PELI2: variants seen among roughly 807,000 people sequenced by gnomAD.
The protein encoded by PELI2 is pellino E3 ubiquitin protein ligase family member 2.
In PELI2, 23 loss-of-function variants were observed where a neutral mutation model predicts 42.3. The observed-to-expected ratio is 0.54, with a 90% CI of 0.39 to 0.77. The LOEUF is 0.77. Among genes scored for constraint, PELI2 ranks in the 30% least tolerant of loss-of-function variants. PELI2 has a pLI of 0.00. For missense variants in PELI2, 463 were observed against 553.2 expected (o/e 0.84, Z 1.64); for synonymous variants, 245 against 212.2 (o/e 1.15, Z -1.34).
intron 2 of PELI2, among the ~76,000 whole-genome samples, chr14:56,259,253 A>G (rs1888633623): frequency 6.6e-6 from 1 of 152,154 alleles, no homozygotes; most frequent in Non-Finnish European, 1.5e-5. Flanking sequence ...AAAACAACAG[A>G]TGGAAATTTA....
chr14:56,277,983 C>T (rs1363963296), intron 2 of PELI2, among the ~76,000 whole-genome samples: 1 of 152,080 alleles, frequency 6.6e-6, no homozygotes, highest in Admixed American at 6.5e-5. Flanking sequence ...TTATTGCACT[C>T]GTTAACTCCT....
At chr14:56,258,437 A>G (rs945593642) in intron 2 of PELI2, among the ~76,000 whole-genome samples, 3 of 152,218 alleles carry the variant, frequency 2.0e-5, no homozygotes, top group Non-Finnish European at 2.9e-5. Flanking sequence ...AATTAAACAC[A>G]GACAAGAAGG....
chr14:56,269,025 G>A (rs1447402513), intron 2 of PELI2, among the ~76,000 whole-genome samples: 1 of 152,196 alleles, frequency 6.6e-6, no homozygotes, highest in East Asian at 1.9e-4. Flanking sequence ...CTAATGTACA[G>A]TGTGTGATTG....
At chr14:56,236,172 T>C (rs76453140) in intron 2 of PELI2, among the ~76,000 whole-genome samples, 1 of 152,262 alleles carries the variant, frequency 6.6e-6, no homozygotes, top group Non-Finnish European at 1.5e-5. Flanking sequence ...TTGACCACTT[T>C]TAATTACTCT....
At chr14:56,270,987 T>C (rs1396534300) in intron 2 of PELI2, among the ~76,000 whole-genome samples, 4 of 152,218 alleles carry the variant, frequency 2.6e-5, no homozygotes, top group Admixed American at 1.3e-4. Context: ...GAAAGCCAGT[T>C]TGATATAAAT....
chr14:56,250,278 A>G (rs753771794), intron 2 of PELI2, among the ~76,000 whole-genome samples: 45 of 152,196 alleles, frequency 3.0e-4, no homozygotes, highest in Non-Finnish European at 5.1e-4. Flanking sequence ...AGTCAATACT[A>G]GAAGTTATAT....
At chr14:56,223,121 G>A (rs970245908) in intron 2 of PELI2, among the ~76,000 whole-genome samples, 1 of 152,136 alleles carries the variant, frequency 6.6e-6, no homozygotes, top group Non-Finnish European at 1.5e-5. Flanking sequence ...CACCTCTACA[G>A]CCTGTGGCCA....
intron 1 of PELI2, among the ~76,000 whole-genome samples, chr14:56,140,511 C>A (rs1883867726): frequency 6.6e-6 from 1 of 152,118 alleles, no homozygotes; most frequent in South Asian, 2.1e-4. Flanking sequence ...CCTTTGAAAA[C>A]AACTCCTGTT....
In PELI2 at chr14:56,237,598, C is replaced by T. The variant is rs572248092; in HGVS notation, c.208-42078C>T. Among the ~76,000 whole-genome samples, 13 of 151,708 alleles carry T rather than the reference C, an allele frequency of 8.6e-5. No homozygotes were observed. The East Asian group carries it at 1.4e-3, about 16-fold the overall frequency. On this transcript the variant is annotated intron_variant, in intron 2 of 5. Transcript: ENST00000267460. ...TCCACCACTAAGCTTCCTCTTCCCT[C>T]GGTGTCTCTAGCTGCTTCTTGGGCA...
At chr14:56,245,797 A>C (rs942093404) in intron 2 of PELI2, among the ~76,000 whole-genome samples, 2 of 152,258 alleles carry the variant, frequency 1.3e-5, no homozygotes, top group African/African-American at 4.8e-5. Flanking sequence ...ATTGTATATC[A>C]ATAAGCATAA....
At chr14:56,206,397 C>T (rs1886518217) in intron 2 of PELI2, among the ~76,000 whole-genome samples, 2 of 152,192 alleles carry the variant, frequency 1.3e-5, no homozygotes, top group Admixed American at 1.3e-4. Context: ...ACAACATTCT[C>T]CTTCACCAAA....
At chr14:56,216,250 G>C (rs1886902288) in intron 2 of PELI2, among the ~76,000 whole-genome samples, 1 of 152,174 alleles carries the variant, frequency 6.6e-6, no homozygotes, top group Non-Finnish European at 1.5e-5. Flanking sequence ...TCAAGGTCAA[G>C]GGGAAAATAC....
intron 2 of PELI2, among the ~76,000 whole-genome samples, chr14:56,204,998 G>A (rs1161144163): frequency 3.4e-5 from 5 of 145,290 alleles, no homozygotes; most frequent in African/African-American, 1.3e-4. Flanking sequence ...CCACTGCACC[G>A]CAGCCTGGGC....
At chr14:56,135,058 G>GCT (rs1284276742) in intron 1 of PELI2, among the ~76,000 whole-genome samples, 3 of 152,218 alleles carry the variant, frequency 2.0e-5, no homozygotes, top group African/African-American at 4.8e-5. Context: ...GTATAGTGGA[G>GCT]AGCAGTGTGG....
intron 1 of PELI2, among the ~76,000 whole-genome samples, chr14:56,135,808 C>G (rs1418433863): frequency 6.6e-6 from 1 of 152,094 alleles, no homozygotes; most frequent in Non-Finnish European, 1.5e-5. Flanking sequence ...TAGTAAAGAC[C>G]TCTGTTAACT....
chr14:56,139,041 TGTG>T (rs1229934691), intron 1 of PELI2, among the ~76,000 whole-genome samples: 1 of 152,210 alleles, frequency 6.6e-6, no homozygotes, highest in Non-Finnish European at 1.5e-5. Context: ...TTTTCAGAAT[TGTG>T]GAGACAGCTG....
chr14:56,223,209 G>A (rs1473023995), intron 2 of PELI2, among the ~76,000 whole-genome samples: 2 of 152,122 alleles, frequency 1.3e-5, no homozygotes, highest in African/African-American at 4.8e-5. Flanking sequence ...GCTGCCAAGG[G>A]AGTCTTTCTT....
chr14:56,146,460 A>G (rs1884121596), intron 1 of PELI2, among the ~76,000 whole-genome samples: 1 of 152,206 alleles, frequency 6.6e-6, no homozygotes, highest in African/African-American at 2.4e-5. Flanking sequence ...TACTTTCACC[A>G]TATGATGTGC....
In PELI2 at chr14:56,294,132, C is replaced by T. The variant is rs184723991; in HGVS notation, c.697-2468C>T. On this transcript the variant is annotated intron_variant, in intron 5 of 5. Transcript: ENST00000267460. ...TGTCCTGTACAGTATTAAGATTTAT[C>T]ATTTGTTGGGACCTTAACTTTTTCT... 2.6e-5 allele frequency among the ~76,000 whole-genome samples: 4 copies of T among 152,266 alleles called. No homozygotes were observed. The East Asian group carries it at 7.7e-4, about 29-fold the overall frequency.
Sources: gnomAD v4.1 joint callset for allele counts (sites outside exome capture counted in the v4.1 genomes callset) on GRCh38, gnomAD v4.1.1 for gene constraint, MANE v1.5 for transcripts, NCBI Gene and HGNC (gene_info 2026-07-23, HGNC 2026-07-21) for gene names.